The following CDH18 variants were observed in gnomAD, a reference collection of about 807,000 sequenced individuals.
The protein encoded by CDH18 is cadherin-18.
Under a neutral mutation model 67.9 loss-of-function variants are expected in CDH18, and 31 were observed. That is an observed-to-expected ratio of 0.46 (90% CI 0.34 to 0.62). The LOEUF (loss-of-function observed/expected upper bound fraction) is 0.62, where lower values mean the gene tolerates loss of function less well. CDH18 is among the 20% of genes least tolerant of loss of function. The probability of loss-of-function intolerance (pLI) is 0.01; values close to 1 mark genes in which losing one functional copy is unlikely to be tolerated. For missense variants in CDH18, 890 were observed against 975.5 expected (o/e 0.91, Z 1.17); for synonymous variants, 362 against 347.2 (o/e 1.04, Z -0.48).
At chr5:19,707,272 A>C (rs1424908515) in intron 5 of CDH18, among the ~76,000 whole-genome samples, 1 of 152,178 alleles carries the variant, frequency 6.6e-6, no homozygotes, top group Non-Finnish European at 1.5e-5. Flanking sequence ...ACAGATCAAG[A>C]AGCTGTCGCA....
chr5:20,391,895 A>G (rs1260825044), intron 1 of CDH18, among the ~76,000 whole-genome samples: 1 of 151,672 alleles, frequency 6.6e-6, no homozygotes, highest in East Asian at 1.9e-4. Flanking sequence ...ACAAGAATGC[A>G]GAACAGTATT....
intron 1 of CDH18, among the ~76,000 whole-genome samples, chr5:20,310,218 A>T (rs910741153): frequency 6.6e-6 from 1 of 152,200 alleles, no homozygotes; most frequent in Admixed American, 6.5e-5. Flanking sequence ...TTTTCCAGTA[A>T]TGATGTTTAA....
At chr5:19,789,767 A>G (rs531143184) in intron 3 of CDH18, among the ~76,000 whole-genome samples, 40 of 152,218 alleles carry the variant, frequency 2.6e-4, no homozygotes, top group African/African-American at 9.4e-4. Context: ...ATGTTTGCCA[A>G]TAGTAGTACT....
intron 1 of CDH18, among the ~76,000 whole-genome samples, chr5:20,331,126 G>A (rs1273292600): frequency 6.6e-6 from 1 of 152,186 alleles, no homozygotes; most frequent in Non-Finnish European, 1.5e-5. Context: ...GAAAATATTA[G>A]TTGTAGAAGA....
intron 8 of CDH18, among the ~76,000 whole-genome samples, chr5:19,571,210 TC>T: frequency 6.6e-6 from 1 of 152,340 alleles, no homozygotes; most frequent in East Asian, 1.9e-4. Context: ...ATGAGTGTTA[TC>T]CCCAAATCAT....
At chr5:19,502,649 T>C (rs1743447261) in intron 11 of CDH18, 10 of 460,366 alleles carry the variant, frequency 2.2e-5, no homozygotes, top group Non-Finnish European at 3.8e-5. Flanking sequence ...CTAGGATATA[T>C]TTTTCATTTT....
chr5:19,910,791 A>C (rs565506509), intron 2 of CDH18, among the ~76,000 whole-genome samples: 2 of 152,244 alleles, frequency 1.3e-5, no homozygotes, highest in African/African-American at 2.4e-5. Flanking sequence ...TCTCTTTTGG[A>C]GCCTATAGCC....
chr5:20,434,507 G>C (rs1050937312), intron 1 of CDH18, among the ~76,000 whole-genome samples: 2 of 151,946 alleles, frequency 1.3e-5, no homozygotes, highest in East Asian at 3.9e-4. Context: ...TTGGTAACTG[G>C]AAGGATTCAC....
At chr5:19,543,695 C>T (rs1330902018) in intron 9 of CDH18, among the ~76,000 whole-genome samples, 174 bp downstream of exon 9, 1 of 152,070 alleles carries the variant, frequency 6.6e-6, no homozygotes, top group Non-Finnish European at 1.5e-5. Flanking sequence ...AGGAGGAAGG[C>T]ATAAGACTTA....
At chr5:19,994,730 TATATATATAGAGAG>T (rs1206767704) in intron 2 of CDH18, among the ~76,000 whole-genome samples, 65 of 16,636 alleles carry the variant, frequency 3.9e-3, no homozygotes, top group Admixed American at 7.2e-3. Flanking sequence ...TATATATATA[TATATATATAGAGAG>T]AGAGAGAGAG....
At chr5:20,120,107 C>T (rs961091360) in intron 2 of CDH18, among the ~76,000 whole-genome samples, 1 of 151,890 alleles carries the variant, frequency 6.6e-6, no homozygotes, top group Non-Finnish European at 1.5e-5. Context: ...GTTTCTATTT[C>T]CTCTTTATTA....
At chr5:20,376,058 C>A (rs1055509997) in intron 1 of CDH18, among the ~76,000 whole-genome samples, 1 of 141,930 alleles carries the variant, frequency 7.0e-6, no homozygotes, top group Non-Finnish European at 1.5e-5. Context: ...TAAAATCTAA[C>A]GGATCAAACA....
chr5:19,473,392 T>G lies in CDH18; in HGVS notation c.2207A>C (p.Gln736Pro). ...TCTCTGACCCTCATAGGCATAAGTC[T>G]GAAGAGAGTCATAAGGGGGAACGCT... ...DPSVPPYDSL[Q>P]TYAYEGQRSE... Residue 736 changes from glutamine (Q) to proline (P), a missense_variant, in exon 13 of 13, where the codon CAG becomes CCG. Around this residue, in one of 2 missense-constraint regions of CDH18, gnomAD observed 656 missense variants for 668.1 expected, o/e 0.98. Coordinates refer to ENST00000382275, the MANE Select transcript of CDH18 (RefSeq NM_004934.5). 2 of 1,613,902 alleles carry G rather than the reference T, an allele frequency of 1.2e-6. No individual in the cohort carries two copies. Among genetic ancestry groups the G allele is most frequent in the Non-Finnish European group, 1.7e-6 (2 of 1,179,886 alleles).
At chr5:19,883,697 G>A (rs903401411) in intron 2 of CDH18, among the ~76,000 whole-genome samples, 1 of 152,020 alleles carries the variant, frequency 6.6e-6, no homozygotes, top group Non-Finnish European at 1.5e-5. Flanking sequence ...AATTGGATCT[G>A]AAATAAAAAG....
chr5:19,747,950 AG>A (rs1336266161), intron 3 of CDH18, among the ~76,000 whole-genome samples: 8 of 150,736 alleles, frequency 5.3e-5, no homozygotes, highest in South Asian at 2.1e-4. Context: ...CTACTAAAAA[AG>A]TACAAAAAAA....
chr5:20,206,110 A>C (rs1739862797), intron 2 of CDH18, among the ~76,000 whole-genome samples: 1 of 151,914 alleles, frequency 6.6e-6, no homozygotes, highest in African/African-American at 2.4e-5. Flanking sequence ...GACAAACTTT[A>C]AAAAGAAGAC....
At chr5:19,543,756 TC>T in intron 9 of CDH18, 112 bp downstream of exon 9, 1 of 669,366 alleles carries the variant, frequency 1.5e-6, no homozygotes, top group Non-Finnish European at 2.4e-6. Flanking sequence ...CCGCTTACTC[TC>T]CTAGATCCTG....
chr5:19,849,583 A>AACATATATATATAAACATATATATACAC (rs1783411032), intron 2 of CDH18, among the ~76,000 whole-genome samples: 2 of 148,544 alleles, frequency 1.3e-5, no homozygotes, highest in African/African-American at 5.0e-5. Flanking sequence ...TAGCATTTCA[A>AACATATATATATAAACATATATATACAC]ACATATATAT....
intron 1 of CDH18, among the ~76,000 whole-genome samples, chr5:20,472,438 C>T (rs1377534362): frequency 1.3e-5 from 2 of 152,076 alleles, no homozygotes; most frequent in Non-Finnish European, 2.9e-5. Flanking sequence ...AAATGTACCA[C>T]CTTGTGCCTG....
Sources: allele counts gnomAD v4.1 joint callset (sites outside exome capture counted in the v4.1 genomes callset), GRCh38; gene constraint gnomAD v4.1.1; regional missense constraint gnomAD v4.1.1; transcripts MANE v1.5; gene names NCBI Gene and HGNC (gene_info 2026-07-23, HGNC 2026-07-21).